STXBP5: variants seen among roughly 807,000 people sequenced by gnomAD.
The protein encoded by STXBP5 is syntaxin binding protein 5, also known as syntaxin-binding protein 5.
Under a neutral mutation model 152.4 loss-of-function variants are expected in STXBP5, and 50 were observed. The ratio of observed to expected loss-of-function variants is 0.33; its 90% confidence interval spans 0.26 to 0.42. STXBP5 has a LOEUF of 0.42. Ranked by LOEUF, STXBP5 falls within the 10% of genes least tolerant of loss-of-function variation. The pLI is 1.00. For synonymous variants in STXBP5, 492 were observed against 494.7 expected (o/e 0.99, Z 0.07); for missense variants, 1,167 against 1,388.6 (o/e 0.84, Z 2.54).
At chr6:147,231,057 C>G (rs114481761) in intron 2 of STXBP5, among the ~76,000 whole-genome samples, 1 of 151,444 alleles carries the variant, frequency 6.6e-6, no homozygotes, top group Non-Finnish European at 1.5e-5. Flanking sequence ...GTTAGAGTGA[C>G]GCTTGTTTTG....
chr6:147,252,744 C>A (rs1001293998), intron 4 of STXBP5, among the ~76,000 whole-genome samples: 1 of 152,076 alleles, frequency 6.6e-6, no homozygotes, highest in East Asian at 1.9e-4. Flanking sequence ...AGATACTCCT[C>A]GAGAAGTGCA....
At chr6:147,344,396 A>G (rs1421930399) in intron 21 of STXBP5, among the ~76,000 whole-genome samples, 1 of 152,238 alleles carries the variant, frequency 6.6e-6, no homozygotes, top group East Asian at 1.9e-4. Context: ...GAACAAAACT[A>G]TAAATGTGGC....
At chr6:147,249,787 G>A (rs951771007) in intron 4 of STXBP5, among the ~76,000 whole-genome samples, 22 of 152,132 alleles carry the variant, frequency 1.4e-4, no homozygotes, top group Admixed American at 5.2e-4. Context: ...CTAAAAACCC[G>A]TTAAAGATCA....
chr6:147,209,597 G>A (rs550024318), intron 2 of STXBP5, among the ~76,000 whole-genome samples: 1 of 152,070 alleles, frequency 6.6e-6, no homozygotes, highest in East Asian at 1.9e-4. Flanking sequence ...TTCTAGAGGA[G>A]TAATACAAAA....
Position 147,214,989 on chromosome 6 carries a change from A to G in STXBP5, c.248+8921A>G, listed in dbSNP as rs564468753. Among the ~76,000 whole-genome samples, 5 of 152,352 alleles carry G rather than the reference A, an allele frequency of 3.3e-5. No homozygotes were observed. In the South Asian group the frequency reaches 1.0e-3, roughly 32 times the overall value. ...AGTATGTGTGTGTGTGCAGACACTT[A>G]AAGAAGATCTGAGTCTGTAGGAGTC... is the stretch of plus-strand genomic sequence containing the variant. On this transcript the variant is annotated intron_variant, in intron 2 of 27. Transcript: ENST00000321680.
chr6:147,342,142 A>G (rs1562257674), intron 21 of STXBP5, among the ~76,000 whole-genome samples: 1 of 152,148 alleles, frequency 6.6e-6, no homozygotes, highest in Non-Finnish European at 1.5e-5. Context: ...TAATTTGGTT[A>G]TGGCCCTGTT....
intron 21 of STXBP5, among the ~76,000 whole-genome samples, chr6:147,347,410 A>G (rs1200897910): frequency 6.6e-6 from 1 of 152,206 alleles, no homozygotes; most frequent in East Asian, 1.9e-4. Context: ...TGAAAGTTCC[A>G]CAATTAAGTA....
chr6:147,205,760 A>G (rs898216069), intron 1 of STXBP5, among the ~76,000 whole-genome samples: 1 of 152,210 alleles, frequency 6.6e-6, no homozygotes, highest in Non-Finnish European at 1.5e-5. Context: ...AAATTAAAGT[A>G]TATCACTGGA....
chr6:147,228,562 A>G (rs1038921991), intron 2 of STXBP5, among the ~76,000 whole-genome samples: 1 of 151,788 alleles, frequency 6.6e-6, no homozygotes, highest in South Asian at 2.1e-4. Flanking sequence ...TATTTCTTTG[A>G]TACTTTCTCT....
chr6:147,231,087 T>TA (rs199872686), intron 2 of STXBP5, among the ~76,000 whole-genome samples: 14 of 150,816 alleles, frequency 9.3e-5, no homozygotes, highest in East Asian at 1.9e-4. Flanking sequence ...TACACTACTG[T>TA]AAAAAAAAAT....
chr6:147,276,131 A>T (rs1361918002), intron 7 of STXBP5, among the ~76,000 whole-genome samples: 1 of 152,212 alleles, frequency 6.6e-6, no homozygotes, highest in Non-Finnish European at 1.5e-5. Flanking sequence ...AAAAGTATAA[A>T]TTGTATGTTT....
intron 9 of STXBP5, among the ~76,000 whole-genome samples, chr6:147,306,950 A>T (rs1562476335): frequency 2.0e-5 from 3 of 152,240 alleles, no homozygotes; most frequent in Non-Finnish European, 4.4e-5. Flanking sequence ...ACATAGGAGC[A>T]CTGCTTTATT....
chr6:147,305,689 G>A (rs1782055007), intron 9 of STXBP5, among the ~76,000 whole-genome samples: 1 of 152,066 alleles, frequency 6.6e-6, no homozygotes, highest in African/African-American at 2.4e-5. Flanking sequence ...AAGAATTTTA[G>A]GAATTTGATA....
At chr6:147,254,149 A>G (rs571708337) in intron 4 of STXBP5, among the ~76,000 whole-genome samples, 5 of 152,236 alleles carry the variant, frequency 3.3e-5, no homozygotes, top group Non-Finnish European at 5.9e-5. Flanking sequence ...CACATCTACA[A>G]TCATCTGATC....
intron 26 of STXBP5, among the ~76,000 whole-genome samples, chr6:147,382,078 G>A (rs1242363872): frequency 6.6e-6 from 1 of 152,098 alleles, no homozygotes; most frequent in Non-Finnish European, 1.5e-5. Context: ...TGTAAGCTGA[G>A]GAACCAGGAA....
intron 2 of STXBP5, among the ~76,000 whole-genome samples, chr6:147,224,437 A>C (rs1388779288): frequency 2.0e-5 from 3 of 152,208 alleles, no homozygotes; most frequent in Non-Finnish European, 4.4e-5. Context: ...CAGATAAATA[A>C]AATAAAATAA....
intron 2 of STXBP5, among the ~76,000 whole-genome samples, chr6:147,216,471 G>C (rs1777173286): frequency 6.6e-6 from 1 of 152,130 alleles, no homozygotes; most frequent in Non-Finnish European, 1.5e-5. Flanking sequence ...TTTAGAATCA[G>C]ATATATTACA....
At chr6:147,373,198 T>C (rs9390460) in intron 25 of STXBP5, among the ~76,000 whole-genome samples, 76,739 of 151,264 alleles carry the variant, frequency 0.51, 19,588 homozygotes, top group Admixed American at 0.53. Context: ...GCAAAACCTG[T>C]CTCTACAAAA....
chr6:147,204,803 T>C lies in STXBP5; in HGVS notation c.150+121T>C. 1 of 1,135,016 alleles carries C rather than the reference T, an allele frequency of 8.8e-7. No homozygotes were observed. The highest frequency in any genetic ancestry group is 1.2e-6 in the Non-Finnish European group (1 of 834,758). 70.3% of individuals were successfully genotyped at this position (1,135,016 alleles called of 1,614,324 possible). ...GAACGCCAATAATAATAATAATAAC[T>C]CTAATAAAAGGCTCGCTCCTCCCTT... On this transcript the variant is annotated intron_variant, in intron 1 of 27. Transcript: ENST00000321680. The surrounding 1 kb of genome is among the most constrained non-coding windows in gnomAD (Gnocchi z 4.3).
Sources: gnomAD v4.1 joint callset for allele counts (sites outside exome capture counted in the v4.1 genomes callset) on GRCh38, gnomAD v4.1.1 for gene constraint, Gnocchi (gnomAD v3.1) non-coding constraint, MANE v1.5 for transcripts, NCBI Gene and HGNC (gene_info 2026-07-23, HGNC 2026-07-21) for gene names.